Variants in NR5A1 observed in about 807,000 individuals in gnomAD.
The protein encoded by NR5A1 is nuclear receptor subfamily 5 group A member 1, also known as steroidogenic factor 1.
In NR5A1, 6 loss-of-function variants were observed where a neutral mutation model predicts 42.7. That is an observed-to-expected ratio of 0.14 (90% CI 0.08 to 0.28). The LOEUF (loss-of-function observed/expected upper bound fraction) is 0.28. Among genes scored for constraint, NR5A1 ranks in the 10% least tolerant of loss-of-function variants. NR5A1 has a pLI of 1.00. For missense variants in NR5A1, 442 were observed against 626.4 expected (o/e 0.71, Z 3.14); for synonymous variants, 274 against 277.5 (o/e 0.99, Z 0.12).
intron 6 of NR5A1, among the ~76,000 whole-genome samples, chr9:124,486,058 G>A (rs921092935): frequency 6.6e-6 from 1 of 152,140 alleles, no homozygotes; most frequent in Non-Finnish European, 1.5e-5. Context: ...CGGCTTTACC[G>A]GGATTTACTG....
At chr9:124,487,021 C>T (rs967851969) in intron 6 of NR5A1, among the ~76,000 whole-genome samples, 2 of 152,216 alleles carry the variant, frequency 1.3e-5, no homozygotes, top group African/African-American at 4.8e-5. Flanking sequence ...CCCTGGGCGC[C>T]CGAAGGTTGG....
At chr9:124,495,937 A>G (rs1327397322) in intron 4 of NR5A1, among the ~76,000 whole-genome samples, 1 of 151,956 alleles carries the variant, frequency 6.6e-6, no homozygotes, top group Non-Finnish European at 1.5e-5. Context: ...TGCATCCTCC[A>G]CCCTAATTTC....
chr9:124,485,892 C>T lies in NR5A1; in HGVS notation c.1139-2887G>A, dbSNP rs536407753. Among the ~76,000 whole-genome samples the T allele has an allele frequency of 1.8e-4, 27 of 152,172 alleles. 1 individual carries two copies. The highest frequency in any genetic ancestry group is 4.0e-4 in the Non-Finnish European group (27 of 68,024). ...TGAGCAAGTCTCCTGACATTCTCTT[C>T]TGACAATTCATAATGGGGGTCCGGA... On this transcript the variant is annotated intron_variant, in intron 6 of 6. Transcript: ENST00000373588.
At chr9:124,483,708 A>G (rs1641151134) in intron 6 of NR5A1, among the ~76,000 whole-genome samples, 1 of 152,170 alleles carries the variant, frequency 6.6e-6, no homozygotes, top group Non-Finnish European at 1.5e-5. Context: ...CCACTCTGCC[A>G]CCATCACCAC....
At chr9:124,486,511 G>A (rs775076075) in intron 6 of NR5A1, among the ~76,000 whole-genome samples, 141 of 152,152 alleles carry the variant, frequency 9.3e-4, no homozygotes, top group Non-Finnish European at 1.7e-3. Flanking sequence ...CCAGGAGCTG[G>A]GTCAAGCTGG....
chr9:124,504,656 GCGGCTGCGGT>G (rs1332823421), intron 1 of NR5A1, among the ~76,000 whole-genome samples: 1 of 151,014 alleles, frequency 6.6e-6, no homozygotes, highest in African/African-American at 2.4e-5. Flanking sequence ...GGGCGCGACG[GCGGCTGCGGT>G]CGGCCCGGCG....
chr9:124,505,025 C>G (rs1036287612), intron 1 of NR5A1, among the ~76,000 whole-genome samples: 5 of 151,854 alleles, frequency 3.3e-5, no homozygotes, highest in African/African-American at 1.2e-4. Context: ...TCTATATCGG[C>G]GCGTGCGGTA....
chr9:124,505,881 T>C (rs1393360905), intron 1 of NR5A1, among the ~76,000 whole-genome samples: 1 of 152,202 alleles, frequency 6.6e-6, no homozygotes, highest in Non-Finnish European at 1.5e-5. Flanking sequence ...GCGGGGCCAC[T>C]GTTTTTCAGC....
intron 4 of NR5A1, among the ~76,000 whole-genome samples, chr9:124,495,889 G>A (rs550835426): frequency 6.6e-6 from 1 of 152,320 alleles, no homozygotes; most frequent in East Asian, 1.9e-4. Flanking sequence ...CTGAGGCTTT[G>A]GTGCCCCGTG....
chr9:124,487,728 G>T (rs1029977367), intron 6 of NR5A1, among the ~76,000 whole-genome samples: 1 of 152,228 alleles, frequency 6.6e-6, no homozygotes, highest in African/African-American at 2.4e-5. Context: ...CCAGCTGGAG[G>T]TCTGCTGGCA....
At chr9:124,502,081 G>A (rs144789855) in intron 3 of NR5A1, among the ~76,000 whole-genome samples, 2 of 152,184 alleles carry the variant, frequency 1.3e-5, no homozygotes, top group African/African-American at 4.8e-5. Flanking sequence ...ATAAACCAGA[G>A]AGCCCTTTGG....
rs540280959 is a variant in NR5A1, at chr9:124,492,373, G to A, written c.990+657C>T. Among the ~76,000 whole-genome samples, 10 of 140,008 alleles carry A rather than the reference G, an allele frequency of 7.1e-5. No homozygotes were observed. In the South Asian group the frequency reaches 2.0e-3, roughly 28 times the overall value. The allele number at this position is 140,008 out of a possible 152,430, so 91.9% of individuals were successfully genotyped here. ...CCGCCTGCCTCCTCAGATACCACCT[G>A]GCCATGTCCCTCCTCCTCCTAAAGC... On this transcript the variant is annotated intron_variant, in intron 5 of 6. Transcript: ENST00000373588.
At chr9:124,502,464 G>C (rs1832485005) in intron 3 of NR5A1, among the ~76,000 whole-genome samples, 1 of 152,058 alleles carries the variant, frequency 6.6e-6, no homozygotes, top group Admixed American at 6.5e-5. Context: ...TGAGTAGCTA[G>C]GACTACAGGC....
intron 1 of NR5A1, among the ~76,000 whole-genome samples, chr9:124,504,001 A>C (rs1832508399): frequency 7.0e-6 from 1 of 142,192 alleles, no homozygotes; most frequent in South Asian, 2.4e-4. Flanking sequence ...AGACACAGGG[A>C]GGGATGGAGA....
rs747902623 is a variant in NR5A1, at chr9:124,491,139, C to T, written c.1080G>A (p.Ala360=). The T allele has an allele frequency of 1.9e-5, 31 of 1,608,548 alleles. No homozygotes were observed. The highest frequency in any genetic ancestry group is 8.4e-5 in the Admixed American group (5 of 59,506). The change falls in exon 6 of 7, where the codon GCG becomes GCA. Residue 360 remains alanine (A), a synonymous_variant. Transcript: ENST00000373588. ...CAAACTCCTGCCGGTCCAGCTGCAGCGCAAGCAGCTGCAGCACCAGCTCCT... is the reference window on the plus strand; with the variant it reads ...CAAACTCCTGCCGGTCCAGCTGCAGTGCAAGCAGCTGCAGCACCAGCTCCT... The part of the protein sequence containing the change: ...RAQELVLQLL[A]LQLDRQEFVC...
intron 6 of NR5A1, among the ~76,000 whole-genome samples, chr9:124,489,129 G>A (rs1465069210): frequency 1.3e-5 from 2 of 152,254 alleles, no homozygotes; most frequent in Admixed American, 1.3e-4. Context: ...GCTATGCACA[G>A]GGCTTTGGTG....
rs1338565379 is a variant in NR5A1 at position 124,501,365 on chromosome 9, A to G, written c.245-650T>C. On this transcript the variant is annotated intron_variant, in intron 3 of 6. Transcript: ENST00000373588. This position sits in a 1 kb window ranked among gnomAD's most constrained non-coding sequence, Gnocchi z 4.1. ...TTCACTGGCTGCGAATGTGAAGCCA[A>G]GTTTAGAGCTGGCCAAGGCTCTATG... 2.0e-5 allele frequency among the ~76,000 whole-genome samples: 3 copies of G among 152,224 alleles called. No homozygotes were observed. Among genetic ancestry groups the G allele is most frequent in the Non-Finnish European group, 4.4e-5 (3 of 68,048 alleles).
Position 124,500,152 on chromosome 9 carries a change from C to T in NR5A1, c.808G>A (p.Asp270Asn), listed in dbSNP as rs964393137. ...TCCACGATGGAGATGAAGGTCTGGT[C>T]GGCCATTCTGCACAGGAGGCCGAAG... ...AAFGLLCRMA[D>N]QTFISIVDWA... is the part of the protein sequence containing the mutation. The change falls in exon 4 of 7, where the codon GAC (aspartate) becomes AAC (asparagine). Residue 270 changes from aspartate to asparagine, a missense_variant. Around this residue, in one of 3 missense-constraint regions of NR5A1, gnomAD observed 163 missense variants for 265.8 expected, o/e 0.61. Coordinates refer to ENST00000373588, the MANE Select transcript of NR5A1 (RefSeq NM_004959.5). The surrounding 1 kb of genome is among the most constrained non-coding windows in gnomAD (Gnocchi z 6.9). The T allele has an allele frequency of 2.5e-6, 4 of 1,613,028 alleles. No homozygotes were observed. The highest frequency in any genetic ancestry group is 1.7e-4 in the Middle Eastern group (1 of 6,060).
Position 124,493,013 on chromosome 9 carries a change from G to A in NR5A1, c.990+17C>T, listed in dbSNP as rs1456986667. ...GGCCAGGGCGGGGCCCAGGGGCGGGGCCGAGGGACTGGTCACCTCCTGCCC... is the reference window on the plus strand; with the variant it reads ...GGCCAGGGCGGGGCCCAGGGGCGGGACCGAGGGACTGGTCACCTCCTGCCC... On this transcript the variant is annotated intron_variant, in intron 5 of 6. Transcript: ENST00000373588. 1.3e-6 allele frequency: 2 copies of A among 1,573,488 alleles called. No homozygotes were observed. The highest frequency in any genetic ancestry group is 1.7e-6 in the Non-Finnish European group (2 of 1,161,146).
Sources: allele counts gnomAD v4.1 joint callset (sites outside exome capture counted in the v4.1 genomes callset), GRCh38; gene constraint gnomAD v4.1.1; regional missense constraint gnomAD v4.1.1; non-coding constraint Gnocchi (gnomAD v3.1); transcripts MANE v1.5; gene names NCBI Gene and HGNC (gene_info 2026-07-23, HGNC 2026-07-21).